SNTG2: variants seen among roughly 807,000 people sequenced by gnomAD.
SNTG2 encodes syntrophin gamma 2, also known as gamma-2-syntrophin.
Under a neutral mutation model 70.9 loss-of-function variants are expected in SNTG2, and 74 were observed. That is an observed-to-expected ratio of 1.04 (90% CI 0.86 to 1.27). The LOEUF (loss-of-function observed/expected upper bound fraction) is 1.27. Among genes scored for constraint, SNTG2 ranks in the 50% most tolerant of loss-of-function variants. SNTG2 has a pLI of 0.00. For missense variants in SNTG2, 717 were observed against 690.7 expected, an observed-to-expected ratio of 1.04 and a Z score of -0.43; for synonymous variants, 278 against 273.8, an observed-to-expected ratio of 1.02 and a Z score of -0.15.
Position 1,097,039 on chromosome 2 carries a change from C to G in SNTG2, c.211-1157C>G, listed in dbSNP as rs1665437435. On this transcript the variant is annotated intron_variant, in intron 2 of 16. Transcript: ENST00000308624. The surrounding 1 kb of genome is among the most constrained non-coding windows in gnomAD (Gnocchi z 4.1). ...AAATTATTTTTGTCAGTTAAAAATACTATATGTCCAAAAAGGATCGAAATG... is the reference window on the plus strand; with the variant it reads ...AAATTATTTTTGTCAGTTAAAAATAGTATATGTCCAAAAAGGATCGAAATG... 6.6e-6 allele frequency among the ~76,000 whole-genome samples: 1 copy of G among 152,134 alleles called. No individual in the cohort carries two copies. The highest frequency in any genetic ancestry group is 1.9e-4 in the East Asian group (1 of 5,198).
intron 14 of SNTG2, among the ~76,000 whole-genome samples, chr2:1,286,583 C>T (rs1266093415): frequency 6.6e-6 from 1 of 152,162 alleles, no homozygotes; most frequent in Non-Finnish European, 1.5e-5. Flanking sequence ...TGTGAGTCCA[C>T]GGATGGTAGT....
chr2:1,233,905 G>C (rs1449619875), intron 9 of SNTG2, among the ~76,000 whole-genome samples: 1 of 152,066 alleles, frequency 6.6e-6, no homozygotes, highest in East Asian at 1.9e-4. Flanking sequence ...CTTCTCGGTG[G>C]ACCCCGGGGT....
rs555978367 is a variant in SNTG2 at position 1,016,262 on chromosome 2, G to A, written c.72+65194G>A. On this transcript the variant is annotated intron_variant, in intron 1 of 16. Coordinates refer to ENST00000308624, the MANE Select transcript of SNTG2 (RefSeq NM_018968.4). ...TTTTTTGTTTTGTTTTTTGTTTTGCGACGGAGTCTCGCTCTGTCACCCAGG... is the reference window on the plus strand; with the variant it reads ...TTTTTTGTTTTGTTTTTTGTTTTGCAACGGAGTCTCGCTCTGTCACCCAGG... Among the ~76,000 whole-genome samples the A allele has an allele frequency of 1.6e-3, 245 of 151,888 alleles. 4 individuals carry two copies. In the South Asian group the frequency reaches 0.019, roughly 12 times the overall value.
rs896855034 is a variant in SNTG2 at position 1,097,603 on chromosome 2, GA to G, written c.211-592del. Reference sequence around the variant, plus strand: ...TGGCTTAATGCGCAAGAGATTTGGAGATTTTTTACCATTTCACTAGCCAGTT... The same window carrying G: ...TGGCTTAATGCGCAAGAGATTTGGAGTTTTTTACCATTTCACTAGCCAGTT... On this transcript the variant is annotated intron_variant, in intron 2 of 16. Transcript: ENST00000308624. The surrounding 1 kb of genome is among the most constrained non-coding windows in gnomAD (Gnocchi z 4.1). Among the ~76,000 whole-genome samples, 1 of 152,108 alleles carries G rather than the reference GA, an allele frequency of 6.6e-6. No individual in the cohort carries two copies. The highest frequency in any genetic ancestry group is 2.4e-5 in the African/African-American group (1 of 41,416).
Position 1,312,294 on chromosome 2 carries a change from C to T in SNTG2, c.1377+3708C>T, listed in dbSNP as rs942429092. On this transcript the variant is annotated intron_variant, in intron 15 of 16. Transcript: ENST00000308624. ...GGAGGGCGTCCCTGCCCCACGCAGG[C>T]GGGTCTCCTGCCCCGTCCAAGCGCA... is the stretch of plus-strand genomic sequence containing the variant. Among the ~76,000 whole-genome samples the T allele has an allele frequency of 5.3e-5, 8 of 152,182 alleles. No individual in the cohort carries two copies. The South Asian group carries it at 1.4e-3, about 28-fold the overall frequency.
At chr2:1,057,210 G>A (rs1662521031) in intron 1 of SNTG2, among the ~76,000 whole-genome samples, 1 of 152,066 alleles carries the variant, frequency 6.6e-6, no homozygotes, top group African/African-American at 2.4e-5. Context: ...ATAAAAGACT[G>A]TGTTAATATT....
At chr2:995,927 G>A (rs569281631) in intron 1 of SNTG2, among the ~76,000 whole-genome samples, 1 of 152,022 alleles carries the variant, frequency 6.6e-6, no homozygotes, top group Non-Finnish European at 1.5e-5. Flanking sequence ...AATTTTGCTC[G>A]AAAAAGACAA....
rs78385288 is a variant in SNTG2, at chr2:1,132,244, T to C, written c.326-5378T>C. On this transcript the variant is annotated intron_variant, in intron 4 of 16. Coordinates refer to ENST00000308624, the MANE Select transcript of SNTG2 (RefSeq NM_018968.4). ...ATGTGTATATATGTGTGTGTATATATATACACACACACACACACATACATA... is the reference window on the plus strand; with the variant it reads ...ATGTGTATATATGTGTGTGTATATACATACACACACACACACACATACATA... Among the ~76,000 whole-genome samples, 249 of 151,064 alleles carry C rather than the reference T, an allele frequency of 1.6e-3. 2 individuals carry two copies. Among genetic ancestry groups the C allele is most frequent in the East Asian group, 1.8e-3 (9 of 5,116 alleles).
At chr2:1,318,878 C>T (rs1281704556) in intron 16 of SNTG2, among the ~76,000 whole-genome samples, 3 of 152,182 alleles carry the variant, frequency 2.0e-5, no homozygotes, top group South Asian at 4.1e-4. Flanking sequence ...GAGGGTTTCA[C>T]GCCTGCGGTG....
intron 1 of SNTG2, among the ~76,000 whole-genome samples, chr2:1,044,138 C>CA (rs1334505172): frequency 2.6e-5 from 4 of 151,916 alleles, no homozygotes; most frequent in South Asian, 4.1e-4. Flanking sequence ...GCTGCCCCCC[C>CA]ACCCCGGTTA....
intron 16 of SNTG2, chr2:1,346,426 C>T (rs1660277858): frequency 6.6e-6 from 1 of 152,372 alleles, no homozygotes; most frequent in Non-Finnish European, 1.5e-5. Flanking sequence ...ATCTCCAGCT[C>T]TGATGTCCGG....
intron 8 of SNTG2, among the ~76,000 whole-genome samples, chr2:1,179,799 C>T (rs1671737389): frequency 6.9e-6 from 1 of 145,626 alleles, no homozygotes; most frequent in African/African-American, 2.5e-5. Flanking sequence ...AGGCATCACG[C>T]TACCTGACTT....
chr2:1,085,134 A>T (rs1014991063), intron 2 of SNTG2, among the ~76,000 whole-genome samples: 2 of 152,160 alleles, frequency 1.3e-5, no homozygotes, highest in African/African-American at 4.8e-5. Context: ...CTAATCACTA[A>T]CCATTATTTT....
intron 16 of SNTG2, among the ~76,000 whole-genome samples, chr2:1,321,944 C>T (rs557437771): frequency 1.4e-4 from 22 of 151,854 alleles, no homozygotes; most frequent in South Asian, 8.3e-4. Flanking sequence ...TTCCTTCCTT[C>T]CTTTCTTCTT....
chr2:1,224,123 C>G (rs753763657), intron 9 of SNTG2, among the ~76,000 whole-genome samples: 1 of 152,140 alleles, frequency 6.6e-6, no homozygotes, highest in East Asian at 1.9e-4. Flanking sequence ...GCACAGACCC[C>G]GTCAGGCTGC....
At chr2:1,000,390 T>C (rs1661827168) in intron 1 of SNTG2, among the ~76,000 whole-genome samples, 1 of 151,758 alleles carries the variant, frequency 6.6e-6, no homozygotes, top group Non-Finnish European at 1.5e-5. Context: ...CTAGCTATAT[T>C]GACCAAGAAA....
chr2:1,223,543 C>T (rs948441606), intron 9 of SNTG2, among the ~76,000 whole-genome samples: 1 of 152,212 alleles, frequency 6.6e-6, no homozygotes, highest in African/African-American at 2.4e-5. Context: ...GTCATTTTAC[C>T]ATGAACCCCT....
chr2:1,170,247 AC>A (rs1671037745), intron 7 of SNTG2, among the ~76,000 whole-genome samples: 3 of 152,240 alleles, frequency 2.0e-5, no homozygotes, highest in African/African-American at 7.2e-5. Context: ...AATTCATGCA[AC>A]AGAAAATTCA....
chr2:1,204,776 A>G (rs1255823828), intron 8 of SNTG2, among the ~76,000 whole-genome samples: 4 of 152,336 alleles, frequency 2.6e-5, no homozygotes, highest in African/African-American at 7.2e-5. Context: ...GTGTGTGTAT[A>G]GGAAAAAAGC....
Sources: gnomAD v4.1 joint callset for allele counts (sites outside exome capture counted in the v4.1 genomes callset) on GRCh38, gnomAD v4.1.1 for gene constraint, Gnocchi (gnomAD v3.1) non-coding constraint, MANE v1.5 for transcripts, NCBI Gene and HGNC (gene_info 2026-07-23, HGNC 2026-07-21) for gene names.